CUL4A: variants seen among roughly 807,000 people sequenced by gnomAD.
CUL4A encodes the protein cullin 4A.
CUL4A carries 16 observed loss-of-function variants against 95.5 expected under a neutral mutation model. The observed-to-expected ratio is 0.17, with a 90% CI of 0.11 to 0.25. CUL4A has a LOEUF of 0.25. Among genes scored for constraint, CUL4A ranks in the 10% least tolerant of loss-of-function variants. The probability of loss-of-function intolerance (pLI) is 1.00; values close to 1 mark genes in which losing one functional copy is unlikely to be tolerated. For synonymous variants in CUL4A, 380 were observed against 353.1 expected (o/e 1.08, Z -0.85); for missense variants, 610 against 937.0 (o/e 0.65, Z 4.56).
intron 3 of CUL4A, among the ~76,000 whole-genome samples, chr13:113,220,710 A>G (rs1234915114): frequency 6.6e-6 from 1 of 152,190 alleles, no homozygotes; most frequent in Non-Finnish European, 1.5e-5. Context: ...ATCTTTTGCC[A>G]GTTACTCCTA....
At position 113,244,717 on chromosome 13, in the gene CUL4A, T is replaced by C. The variant is rs540423026; in HGVS notation, c.1333+203T>C. On this transcript the variant is annotated intron_variant, in intron 12 of 19. Transcript: ENST00000375440. ...TTAGCCAGGCGTGGTGGCAGGCGCC[T>C]GTAGTCCCACCTACTTGGGAGGCTG... Among the ~76,000 whole-genome samples, 3 of 152,194 alleles carry C rather than the reference T, an allele frequency of 2.0e-5. No homozygotes were observed. In the South Asian group the frequency reaches 6.2e-4, roughly 32 times the overall value.
chr13:113,256,920 T>G (rs1161932291), intron 18 of CUL4A, among the ~76,000 whole-genome samples: 1 of 140,304 alleles, frequency 7.1e-6, no homozygotes, highest in Non-Finnish European at 1.5e-5. Flanking sequence ...TCCCTTTTTT[T>G]TTTTCGTTTT....
chr13:113,224,148 C>G (rs1046173066), intron 3 of CUL4A, among the ~76,000 whole-genome samples: 1 of 152,140 alleles, frequency 6.6e-6, no homozygotes, highest in Non-Finnish European at 1.5e-5. Context: ...GTCAGGAGAT[C>G]GAGACCATCC....
intron 4 of CUL4A, among the ~76,000 whole-genome samples, chr13:113,228,987 G>T (rs1248597866): frequency 6.6e-6 from 1 of 151,962 alleles, no homozygotes; most frequent in Non-Finnish European, 1.5e-5. Flanking sequence ...AATTAACCGG[G>T]TGGGGTGGTG....
chr13:113,241,592 G>A (rs1055566821), intron 10 of CUL4A, among the ~76,000 whole-genome samples: 10 of 144,266 alleles, frequency 6.9e-5, no homozygotes, highest in African/African-American at 2.6e-4. Context: ...TCAGCTCACT[G>A]CAACCTCTGC....
chr13:113,208,930 C>CT (rs1319812413), upstream of CUL4A: 23 of 1,329,530 alleles, frequency 1.7e-5, no homozygotes, highest in Admixed American at 3.8e-5. Context: ...AGCCCCACGG[C>CT]TAAACTGCCT....
chr13:113,237,009 A>G (rs2041566981), intron 9 of CUL4A, 119 bp downstream of exon 9: 3 of 670,342 alleles, frequency 4.5e-6, no homozygotes, highest in Admixed American at 3.2e-5. Flanking sequence ...TAAGACAGTC[A>G]TTAAAAATCT....
chr13:113,224,917 C>T (rs1426573819), intron 3 of CUL4A, among the ~76,000 whole-genome samples: 1 of 152,212 alleles, frequency 6.6e-6, no homozygotes, highest in East Asian at 1.9e-4. Flanking sequence ...TCTGTCCGGT[C>T]TGTCGGTACA....
intron 3 of CUL4A, among the ~76,000 whole-genome samples, chr13:113,227,746 A>C (rs1029527292): frequency 6.6e-6 from 1 of 152,134 alleles, no homozygotes; most frequent in Non-Finnish European, 1.5e-5. Context: ...TCTACTAAAA[A>C]TACAAAAAAT....
chr13:113,239,351 T>C, intron 9 of CUL4A, 82 bp from the exon 10 acceptor site: 1 of 1,194,264 alleles, frequency 8.4e-7, no homozygotes, highest in South Asian at 1.2e-5. Context: ...ATTGACGTTC[T>C]TCTGGTGCAC....
At chr13:113,216,089 C>T (rs528125571) in intron 2 of CUL4A, among the ~76,000 whole-genome samples, 9 of 145,432 alleles carry the variant, frequency 6.2e-5, no homozygotes, top group Admixed American at 3.5e-4. Flanking sequence ...ATGGAGGTCA[C>T]GTCCCATGTG....
chr13:113,209,284 G>C (rs1426248819), upstream of CUL4A, among the ~76,000 whole-genome samples: 2 of 148,568 alleles, frequency 1.3e-5, no homozygotes, highest in Non-Finnish European at 3.0e-5. Context: ...CCCGAGCCAG[G>C]AGGGGGTGCC....
intron 2 of CUL4A, among the ~76,000 whole-genome samples, chr13:113,215,732 C>T (rs1225938679): frequency 2.1e-5 from 3 of 143,900 alleles, no homozygotes; most frequent in Non-Finnish European, 3.0e-5. Flanking sequence ...CTATGGAGGT[C>T]GCGTCCCGTG....
At chr13:113,242,646 T>C (rs1351753370) in intron 10 of CUL4A, among the ~76,000 whole-genome samples, 1 of 151,912 alleles carries the variant, frequency 6.6e-6, no homozygotes, top group African/African-American at 2.4e-5. Flanking sequence ...ATGGGCCAGA[T>C]GTGGTGGCCT....
chr13:113,255,249 T>A, intron 18 of CUL4A, 124 bp downstream of exon 18: 1 of 660,616 alleles, frequency 1.5e-6, no homozygotes, highest in African/African-American at 1.8e-5. Flanking sequence ...TTTCACTATG[T>A]AATGTTTATA....
At chr13:113,258,658 T>C (rs1046605151) in intron 18 of CUL4A, among the ~76,000 whole-genome samples, 2 of 152,192 alleles carry the variant, frequency 1.3e-5, no homozygotes, top group Non-Finnish European at 2.9e-5. Context: ...AGTCCTTGTT[T>C]CTAGGAGTGT....
At chr13:113,224,094 T>C (rs1027560596) in intron 3 of CUL4A, among the ~76,000 whole-genome samples, 1 of 152,220 alleles carries the variant, frequency 6.6e-6, no homozygotes, top group Non-Finnish European at 1.5e-5. Context: ...GGCTCACGCC[T>C]GTAATCCCAG....
intron 2 of CUL4A, among the ~76,000 whole-genome samples, chr13:113,214,586 C>CA (rs1464453564): frequency 2.0e-5 from 3 of 152,122 alleles, no homozygotes; most frequent in African/African-American, 7.2e-5. Context: ...CTCCTGGACT[C>CA]AAACAGTCCT....
At chr13:113,223,924 C>T (rs912763487) in intron 3 of CUL4A, among the ~76,000 whole-genome samples, 4 of 152,306 alleles carry the variant, frequency 2.6e-5, no homozygotes, top group Non-Finnish European at 5.9e-5. Flanking sequence ...ACGTCCCTTC[C>T]TCAAAATAAA....
Sources: allele counts gnomAD v4.1 joint callset (sites outside exome capture counted in the v4.1 genomes callset), GRCh38; gene constraint gnomAD v4.1.1; transcripts MANE v1.5; gene names NCBI Gene and HGNC (gene_info 2026-07-23, HGNC 2026-07-21).